Variants in SCN10A observed in about 807,000 individuals in gnomAD.
SCN10A encodes the protein sodium channel protein type 10 subunit alpha.
In SCN10A, 162 loss-of-function variants were observed where a neutral mutation model predicts 170.7. The ratio of observed to expected loss-of-function variants is 0.95; its 90% CI spans 0.84 to 1.08. The LOEUF is 1.08. Among genes scored for constraint, SCN10A ranks in the 50% least tolerant of loss-of-function variants. The probability of loss-of-function intolerance (pLI) is 0.00; values close to 1 mark genes in which losing one functional copy is unlikely to be tolerated. For synonymous variants in SCN10A, 985 were observed against 904.6 expected (o/e 1.09, Z -1.59); for missense variants, 2,527 against 2,436.9 (o/e 1.04, Z -0.78).
At chr3:38,784,719 A>G (rs2064177878) in intron 4 of SCN10A, among the ~76,000 whole-genome samples, 1 of 152,196 alleles carries the variant, frequency 6.6e-6, no homozygotes, top group South Asian at 2.1e-4. Flanking sequence ...ACATGACTGT[A>G]TATTTAGAAA....
Position 38,743,905 on chromosome 3 carries a change from G to A in SCN10A, c.1868-1376C>T, listed in dbSNP as rs571988542. On this transcript the variant is annotated intron_variant, in intron 13 of 27. Transcript: ENST00000449082. ...TAGGCTTATCTCTCTACCTGCCTCC[G>A]TTAAATCTCCATGTGGATGTGTAAC... Among the ~76,000 whole-genome samples, 12 of 152,194 alleles carry A rather than the reference G, an allele frequency of 7.9e-5. No individual in the cohort carries two copies. In the South Asian group the frequency reaches 8.3e-4, roughly 11 times the overall value.
Position 38,728,557 on chromosome 3 carries a change from C to G in SCN10A, c.2625G>C (p.Val875=), listed in dbSNP as rs143092568. The change falls in exon 16 of 28, where the codon GTG becomes GTC. Residue 875 remains valine, a synonymous_variant. Transcript: ENST00000449082. ...ICLILFLTVM[V]LGNLVVLNLF... ...CACCACTCACCACCAGGTTCCCTAG[C>G]ACCATCACCGTCAAGAAAAGGATGA... is the stretch of plus-strand genomic sequence containing the variant. 3 of 1,590,354 alleles carry G rather than the reference C, an allele frequency of 1.9e-6. No individual in the cohort carries two copies. The highest frequency in any genetic ancestry group is 1.7e-4 in the Middle Eastern group (1 of 5,962).
intron 18 of SCN10A, among the ~76,000 whole-genome samples, chr3:38,723,767 C>T (rs1021340804): frequency 3.9e-5 from 6 of 152,200 alleles, no homozygotes; most frequent in African/African-American, 7.2e-5. Context: ...CCCGAGACAC[C>T]GTAATTACAC....
chr3:38,728,548 G>A lies in SCN10A; in HGVS notation c.2634C>T (p.Asn878=), dbSNP rs760114670. 2.5e-6 allele frequency: 4 copies of A among 1,580,406 alleles called. No individual in the cohort carries two copies. The Admixed American group carries it at 5.1e-5, about 20-fold the overall frequency. ...AGCAGGGTTCACCACTCACCACCAG[G>A]TTCCCTAGCACCATCACCGTCAAGA... ...ILFLTVMVLG[N]LVVLNLFIAL... Residue 878 remains asparagine (N), a synonymous_variant, in exon 16 of 28, where the codon AAC becomes AAT. Transcript: ENST00000449082.
intron 15 of SCN10A, among the ~76,000 whole-genome samples, chr3:38,733,851 G>C (rs775967011): frequency 2.0e-4 from 31 of 152,000 alleles, no homozygotes; most frequent in Admixed American, 7.9e-4. Context: ...CTCCCAAGTA[G>C]CTGGGATTAA....
At chr3:38,718,894 G>T (rs2063360213) in intron 20 of SCN10A, 68 bp from the exon 21 acceptor site, 1 of 1,488,248 alleles carries the variant, frequency 6.7e-7, no homozygotes. Flanking sequence ...CAGACTGATA[G>T]GGAAGGACCC....
intron 4 of SCN10A, among the ~76,000 whole-genome samples, chr3:38,778,472 G>A (rs1281997084): frequency 6.6e-6 from 1 of 151,808 alleles, no homozygotes; most frequent in Non-Finnish European, 1.5e-5. Flanking sequence ...ATTAGAAAAT[G>A]GAATATCTAT....
At chr3:38,715,358 CT>C (rs1002779594) in intron 21 of SCN10A, among the ~76,000 whole-genome samples, 1 of 152,210 alleles carries the variant, frequency 6.6e-6, no homozygotes, top group Non-Finnish European at 1.5e-5. Flanking sequence ...GGCCCTAGTA[CT>C]GCACCATGCA....
chr3:38,790,351 T>G (rs186360219), intron 3 of SCN10A, among the ~76,000 whole-genome samples: 3 of 152,106 alleles, frequency 2.0e-5, no homozygotes, highest in Admixed American at 2.0e-4. Flanking sequence ...TGCAGACTTT[T>G]GTGAGGAAGA....
Position 38,697,212 on chromosome 3 carries a change from C to A in SCN10A, c.*137G>T, listed in dbSNP as rs2063097897. ...TTCAAAGGTGGTTACCAGTTGCATT[C>A]CCTGCCCAGTTCTGACATTGTGACC... On this transcript the variant is annotated 3_prime_UTR_variant, in exon 28 of 28. Coordinates refer to ENST00000449082, the MANE Select transcript of SCN10A (RefSeq NM_006514.4). The A allele has an allele frequency of 7.1e-7, 1 of 1,412,894 alleles. No homozygotes were observed. Among genetic ancestry groups the A allele is most frequent in the Non-Finnish European group, 9.4e-7 (1 of 1,058,770 alleles). The allele number at this position is 1,412,894 out of a possible 1,614,324, so 87.5% of individuals were successfully genotyped here. A position where few individuals can be genotyped will look rare whatever the true frequency, so the allele number is the denominator to read the frequency against.
At chr3:38,808,565 GA>G (rs1250638150) in intron 1 of SCN10A, among the ~76,000 whole-genome samples, 1 of 152,146 alleles carries the variant, frequency 6.6e-6, no homozygotes, top group Non-Finnish European at 1.5e-5. Flanking sequence ...AATATTTGTG[GA>G]GTGAAAGAAC....
Position 38,698,600 on chromosome 3 carries a change from C to T in SCN10A, c.4658-38G>A, listed in dbSNP as rs2063124346. 1.9e-6 allele frequency: 3 copies of T among 1,580,946 alleles called. No homozygotes were observed. The East Asian group carries it at 6.7e-5, about 36-fold the overall frequency. ...GAAGAAATTATCTAATTAGTATCTC[C>T]AGCCATGAGACGTGACAAAGTTGGC... is the stretch of plus-strand genomic sequence containing the variant. On this transcript the variant is annotated intron_variant, in intron 27 of 27. Coordinates refer to ENST00000449082, the MANE Select transcript of SCN10A (RefSeq NM_006514.4).
intron 1 of SCN10A, among the ~76,000 whole-genome samples, chr3:38,801,944 A>T (rs2064373657): frequency 6.6e-6 from 1 of 152,110 alleles, no homozygotes; most frequent in Admixed American, 6.6e-5. Context: ...CTTTGGACAT[A>T]TCCCCTTTAA....
At chr3:38,711,616 A>G (rs188177089) in intron 23 of SCN10A, among the ~76,000 whole-genome samples, 8 of 152,374 alleles carry the variant, frequency 5.3e-5, no homozygotes, top group Admixed American at 3.9e-4. Flanking sequence ...TAGACACTCA[A>G]GAGTAACTGC....
At chr3:38,783,977 A>G (rs1387833805) in intron 4 of SCN10A, among the ~76,000 whole-genome samples, 1 of 152,074 alleles carries the variant, frequency 6.6e-6, no homozygotes, top group African/African-American at 2.4e-5. Flanking sequence ...ATACTTTCAT[A>G]TGTTTATGGC....
At chr3:38,725,388 G>GAAGGGAT in intron 17 of SCN10A, 74 bp from the exon 18 acceptor site, 1 of 1,413,532 alleles carries the variant, frequency 7.1e-7, no homozygotes, top group Non-Finnish European at 9.5e-7. Flanking sequence ...AAGGGATCTT[G>GAAGGGAT]CACATCACAG....
intron 24 of SCN10A, 141 bp downstream of exon 24, chr3:38,710,703 G>T: frequency 1.3e-6 from 1 of 760,240 alleles, no homozygotes; most frequent in Non-Finnish European, 2.2e-6. Flanking sequence ...GCTGGACACT[G>T]CTGCAAGGAG....
chr3:38,784,895 G>A (rs1411361742), intron 4 of SCN10A, among the ~76,000 whole-genome samples: 1 of 151,860 alleles, frequency 6.6e-6, no homozygotes, highest in African/African-American at 2.4e-5. Flanking sequence ...GCAACAAAGA[G>A]AATAAAATAT....
chr3:38,697,267 G>C lies in SCN10A; in HGVS notation c.*82C>G. The C allele has an allele frequency of 6.4e-7, 1 of 1,554,448 alleles. No homozygotes were observed. Among genetic ancestry groups the C allele is most frequent in the Non-Finnish European group, 8.7e-7 (1 of 1,150,480 alleles). On this transcript the variant is annotated 3_prime_UTR_variant, in exon 28 of 28. Coordinates refer to ENST00000449082, the MANE Select transcript of SCN10A (RefSeq NM_006514.4). Reference sequence around the variant, plus strand: ...GCATGCATTGGTGAGGCTGTAGCTGGGTGTGATCTGCAATGGGAAAGAGTT... The same window carrying C: ...GCATGCATTGGTGAGGCTGTAGCTGCGTGTGATCTGCAATGGGAAAGAGTT...
Sources: gnomAD v4.1 joint callset for allele counts (sites outside exome capture counted in the v4.1 genomes callset) on GRCh38, gnomAD v4.1.1 for gene constraint, MANE v1.5 for transcripts, NCBI Gene and HGNC (gene_info 2026-07-23, HGNC 2026-07-21) for gene names.